CSMD1: variants seen among roughly 807,000 people sequenced by gnomAD.
CSMD1 encodes the protein CUB and sushi domain-containing protein 1.
In CSMD1, 213 loss-of-function variants were observed where a neutral mutation model predicts 417.5. The ratio of observed to expected loss-of-function variants is 0.51; its 90% confidence interval spans 0.46 to 0.57. The LOEUF is 0.57. Ranked by LOEUF, CSMD1 falls within the 20% of genes least tolerant of loss-of-function variation. CSMD1 has a pLI of 0.00. For synonymous variants in CSMD1, 2,862 were observed against 1,736.8 expected, an observed-to-expected ratio of 1.65 and a Z score of -16.11; for missense variants, 6,923 against 4,529.7, an observed-to-expected ratio of 1.53 and a Z score of -15.17.
At chr8:4,725,133 C>T (rs1485052552) in intron 1 of CSMD1, among the ~76,000 whole-genome samples, 1 of 152,068 alleles carries the variant, frequency 6.6e-6, no homozygotes, top group Non-Finnish European at 1.5e-5. Context: ...ATGTTTTACA[C>T]ATTATAAAAG....
At position 3,733,168 on chromosome 8, in the gene CSMD1, T is replaced by TACACACACAC. The variant is rs75223191; in HGVS notation, c.931+20752_931+20761dup. 9.3e-5 allele frequency among the ~76,000 whole-genome samples: 13 copies of TACACACACAC among 140,482 alleles called. No individual in the cohort carries two copies. The South Asian group carries it at 1.6e-3, about 17-fold the overall frequency. 92.2% of individuals were successfully genotyped at this position (140,482 alleles called of 152,430 possible). A position where few individuals can be genotyped will look rare whatever the true frequency, so the allele number is the denominator to read the frequency against. Reference sequence around the variant, plus strand: ...AGACTCAGTACCAGGAGGCCATAAATACACACACACACACACACACACACA... The same window carrying TACACACACAC: ...AGACTCAGTACCAGGAGGCCATAAATACACACACACACACACACACACACACACACACACA... On this transcript the variant is annotated intron_variant, in intron 6 of 69. Coordinates refer to ENST00000635120, the MANE Select transcript of CSMD1 (RefSeq NM_033225.6).
At chr8:4,671,207 A>C (rs1805303780) in intron 1 of CSMD1, among the ~76,000 whole-genome samples, 1 of 152,184 alleles carries the variant, frequency 6.6e-6, no homozygotes, top group Admixed American at 6.5e-5. Flanking sequence ...GTTTCCTTTC[A>C]AGATGAAGTA....
At chr8:4,305,579 A>G (rs1798200783) in intron 3 of CSMD1, among the ~76,000 whole-genome samples, 2 of 152,190 alleles carry the variant, frequency 1.3e-5, no homozygotes, top group South Asian at 4.1e-4. Flanking sequence ...AGAATGAAAA[A>G]GAGTAAAAAA....
Position 4,477,535 on chromosome 8 carries a change from C to G in CSMD1, c.303-57470G>C, listed in dbSNP as rs539019622. ...TGGCCTGGCATTTTCACACGATGCT[C>G]TATGACACACACAGTTTAAATGTAC... On this transcript the variant is annotated intron_variant, in intron 2 of 69. Transcript: ENST00000635120. 3.0e-4 allele frequency among the ~76,000 whole-genome samples: 46 copies of G among 152,290 alleles called. 1 individual carries two copies. The South Asian group carries it at 9.1e-3, about 30-fold the overall frequency.
At chr8:3,674,923 A>C (rs775890081) in intron 7 of CSMD1, among the ~76,000 whole-genome samples, 5 of 152,210 alleles carry the variant, frequency 3.3e-5, no homozygotes, top group Non-Finnish European at 5.9e-5. Context: ...GAACTTATGC[A>C]ACACGTCACC....
intron 5 of CSMD1, among the ~76,000 whole-genome samples, chr8:3,794,917 C>G (rs1799957737): frequency 6.6e-6 from 1 of 151,790 alleles, no homozygotes; most frequent in African/African-American, 2.4e-5. Context: ...TACCCATTTT[C>G]ATCTTTTCTA....
intron 3 of CSMD1, among the ~76,000 whole-genome samples, chr8:4,181,962 G>GTGTA (rs1798402351): frequency 6.6e-6 from 1 of 151,044 alleles, no homozygotes; most frequent in Admixed American, 6.6e-5. Flanking sequence ...GTCTGCGTGT[G>GTGTA]TGTGTGTGTG....
intron 5 of CSMD1, among the ~76,000 whole-genome samples, chr8:3,817,117 G>C (rs1440788819): frequency 2.0e-5 from 3 of 151,976 alleles, no homozygotes; most frequent in South Asian, 4.2e-4. Flanking sequence ...AGATCTTATA[G>C]AGAGAGCTCT....
At chr8:3,592,292 T>G (rs1371833727) in intron 8 of CSMD1, among the ~76,000 whole-genome samples, 1 of 152,082 alleles carries the variant, frequency 6.6e-6, no homozygotes, top group African/African-American at 2.4e-5. Flanking sequence ...AAAGTCCACT[T>G]CAAACATATA....
chr8:2,984,395 C>A (rs1272837876), intron 54 of CSMD1, among the ~76,000 whole-genome samples: 1 of 151,994 alleles, frequency 6.6e-6, no homozygotes. Context: ...GTTGCCCAGG[C>A]TGGAGTGCAG....
At chr8:3,381,317 T>C (rs753293908) in intron 18 of CSMD1, among the ~76,000 whole-genome samples, 1 of 152,142 alleles carries the variant, frequency 6.6e-6, no homozygotes, top group Non-Finnish European at 1.5e-5. Flanking sequence ...TAAAATTCTA[T>C]TTTTGTCTAT....
intron 1 of CSMD1, among the ~76,000 whole-genome samples, chr8:4,777,108 C>G (rs1463666502): frequency 6.6e-6 from 1 of 152,090 alleles, no homozygotes; most frequent in Non-Finnish European, 1.5e-5. Flanking sequence ...AATAATGCTG[C>G]CAGACAATAG....
intron 5 of CSMD1, among the ~76,000 whole-genome samples, chr8:3,990,831 G>T (rs982595634): frequency 6.6e-6 from 1 of 152,094 alleles, no homozygotes. Context: ...TACGCTCCTG[G>T]TAGTGAATCA....
intron 5 of CSMD1, among the ~76,000 whole-genome samples, chr8:3,847,939 G>C (rs753964872): frequency 1.3e-5 from 2 of 151,782 alleles, no homozygotes; most frequent in African/African-American, 4.8e-5. Flanking sequence ...TATTTTCTTG[G>C]CTTCAAAACA....
At chr8:4,656,152 T>A (rs1024462473) in intron 1 of CSMD1, among the ~76,000 whole-genome samples, 11 of 151,830 alleles carry the variant, frequency 7.2e-5, no homozygotes, top group Admixed American at 1.3e-4. Flanking sequence ...AAGCAAGGAT[T>A]AAAGGGAATG....
chr8:4,525,119 A>C (rs538499426), intron 2 of CSMD1, among the ~76,000 whole-genome samples: 1 of 152,220 alleles, frequency 6.6e-6, no homozygotes, highest in Admixed American at 6.5e-5. Flanking sequence ...TCATAGTGCT[A>C]AATTTTCAAT....
intron 5 of CSMD1, among the ~76,000 whole-genome samples, chr8:3,904,171 A>G (rs774785449): frequency 5.3e-5 from 8 of 152,134 alleles, no homozygotes; most frequent in African/African-American, 1.4e-4. Flanking sequence ...GCTACAATAC[A>G]TGTTTCTGGA....
At chr8:4,552,766 C>A (rs1051908624) in intron 2 of CSMD1, among the ~76,000 whole-genome samples, 25 of 152,198 alleles carry the variant, frequency 1.6e-4, no homozygotes, top group African/African-American at 5.5e-4. Flanking sequence ...ACAGTCATCT[C>A]AGAAGGGTGG....
chr8:3,366,324 C>T, intron 20 of CSMD1, among the ~76,000 whole-genome samples: 1 of 151,856 alleles, frequency 6.6e-6, no homozygotes, highest in Non-Finnish European at 1.5e-5. Flanking sequence ...GTTTATGTGA[C>T]CAAGTTTATC....
Sources: allele counts gnomAD v4.1 joint callset (sites outside exome capture counted in the v4.1 genomes callset), GRCh38; gene constraint gnomAD v4.1.1; transcripts MANE v1.5; gene names NCBI Gene and HGNC (gene_info 2026-07-23, HGNC 2026-07-21).